The following SYNPR variants were observed in gnomAD, a reference collection of about 807,000 sequenced individuals.
SYNPR encodes synaptoporin.
SYNPR carries 23 observed loss-of-function variants against 32.9 expected under a neutral mutation model. The observed-to-expected ratio is 0.70, with a 90% CI of 0.50 to 0.99. SYNPR has a LOEUF of 0.99. SYNPR is among the 50% of genes least tolerant of loss of function. The pLI, the probability that SYNPR is intolerant of heterozygous loss-of-function variation, is 0.00. For synonymous variants in SYNPR, 146 were observed against 135.9 expected (o/e 1.07, Z -0.52); for missense variants, 318 against 349.3 (o/e 0.91, Z 0.71).
chr3:63,272,608 T>G (rs907440026), intron 3 of SYNPR, among the ~76,000 whole-genome samples: 1 of 151,328 alleles, frequency 6.6e-6, no homozygotes, highest in African/African-American at 2.4e-5. Flanking sequence ...CCTCAGGAAA[T>G]GATCCACAGG....
chr3:63,383,601 A>C (rs1403701), intron 2 of SYNPR, among the ~76,000 whole-genome samples: 106,189 of 151,902 alleles, frequency 0.7, 38,101 homozygotes, highest in East Asian at 0.93. Context: ...GCCGAGATAG[A>C]ACCACTGCCC....
intron 2 of SYNPR, among the ~76,000 whole-genome samples, chr3:63,339,853 C>T (rs1325287941): frequency 6.6e-6 from 1 of 152,164 alleles, no homozygotes; most frequent in Non-Finnish European, 1.5e-5. Context: ...GACAGGGTTT[C>T]ACTATGTTGG....
chr3:63,492,943 G>A (rs147450460), intron 3 of SYNPR, among the ~76,000 whole-genome samples: 104 of 152,202 alleles, frequency 6.8e-4, no homozygotes, highest in African/African-American at 1.9e-3. Flanking sequence ...TGACAGCCTC[G>A]GAATGGCAGA....
At chr3:63,466,369 C>T (rs371538929) in intron 2 of SYNPR, among the ~76,000 whole-genome samples, 5 of 152,040 alleles carry the variant, frequency 3.3e-5, no homozygotes, top group South Asian at 4.2e-4. Context: ...TTCATTCTTG[C>T]GGTGTCATTT....
intron 2 of SYNPR, among the ~76,000 whole-genome samples, chr3:63,441,558 T>C (rs1363887896): frequency 6.6e-6 from 1 of 152,206 alleles, no homozygotes; most frequent in Non-Finnish European, 1.5e-5. Context: ...GAGTGCTCAC[T>C]TAAATGCCGG....
chr3:63,479,399 A>G (rs1700997384), intron 2 of SYNPR, among the ~76,000 whole-genome samples: 1 of 151,994 alleles, frequency 6.6e-6, no homozygotes, highest in Non-Finnish European at 1.5e-5. Context: ...TTTCCATTTT[A>G]AAAATACAGA....
intron 3 of SYNPR, among the ~76,000 whole-genome samples, chr3:63,497,544 G>A (rs1453666702): frequency 6.8e-6 from 1 of 146,856 alleles, no homozygotes; most frequent in Admixed American, 6.7e-5. Flanking sequence ...ATGTTGTGGG[G>A]TGTTGCTGTT....
intron 2 of SYNPR, among the ~76,000 whole-genome samples, chr3:63,457,654 T>C (rs1036609107): frequency 2.0e-5 from 3 of 152,140 alleles, no homozygotes; most frequent in Admixed American, 2.0e-4. Flanking sequence ...TAGTGAAAGA[T>C]CAGAAGTCTC....
chr3:63,279,034 T>C (rs973830835), intron 2 of SYNPR, among the ~76,000 whole-genome samples: 1 of 151,956 alleles, frequency 6.6e-6, no homozygotes, highest in Non-Finnish European at 1.5e-5. Context: ...AACCTCCCCC[T>C]TGGGAGATAG....
chr3:63,445,655 T>A, intron 2 of SYNPR: 2 of 605,204 alleles, frequency 3.3e-6, no homozygotes, highest in Non-Finnish European at 5.9e-6. Context: ...AAGCACTCTA[T>A]GAGGGCCATA....
At chr3:63,498,764 G>T (rs1701420559) in intron 3 of SYNPR, among the ~76,000 whole-genome samples, 1 of 151,856 alleles carries the variant, frequency 6.6e-6, no homozygotes, top group Non-Finnish European at 1.5e-5. Flanking sequence ...TGGCCTCGTG[G>T]GCCCGATAAG....
At chr3:63,447,020 G>T (rs1700290658) in intron 2 of SYNPR, among the ~76,000 whole-genome samples, 1 of 151,780 alleles carries the variant, frequency 6.6e-6, no homozygotes, top group African/African-American at 2.4e-5. Flanking sequence ...TCTTTCTCTT[G>T]TTCTTAAAAA....
At chr3:63,372,402 G>T (rs952598328) in intron 2 of SYNPR, among the ~76,000 whole-genome samples, 4 of 152,130 alleles carry the variant, frequency 2.6e-5, no homozygotes. Flanking sequence ...AAGCCCCTCT[G>T]CCACTGCCAC....
At chr3:63,565,920 C>T (rs975170042) in intron 4 of SYNPR, among the ~76,000 whole-genome samples, 3 of 152,098 alleles carry the variant, frequency 2.0e-5, no homozygotes, top group African/African-American at 4.8e-5. Flanking sequence ...CTTGTGTCCC[C>T]TCTCTTAGCT....
intron 1 of SYNPR, among the ~76,000 whole-genome samples, chr3:63,232,250 G>A (rs1402032255): frequency 7.6e-6 from 1 of 131,882 alleles, no homozygotes; most frequent in Non-Finnish European, 1.6e-5. Context: ...TGTCCAGGCT[G>A]GAGTGCAATG....
chr3:63,399,221 TG>T (rs553969331), intron 2 of SYNPR, among the ~76,000 whole-genome samples: 314 of 152,264 alleles, frequency 2.1e-3, no homozygotes, highest in African/African-American at 7.0e-3. Context: ...TCCCAGTGCC[TG>T]CTGCATTGAG....
chr3:63,292,798 T>C (rs1272910243), intron 2 of SYNPR, among the ~76,000 whole-genome samples: 1 of 152,226 alleles, frequency 6.6e-6, no homozygotes, highest in African/African-American at 2.4e-5. Flanking sequence ...CACACACACA[T>C]GCACATGCAC....
rs1384122993 is a variant in SYNPR, at chr3:63,494,397, ATATATATATATATATATATACG to A, written c.209+13456_209+13477del. ...GTAGGGTGGATATGTTAATTCTTAT[ATATATATATATATATATATACG>A]TATATATATATATACGTATATATAT... On this transcript the variant is annotated intron_variant, in intron 3 of 5. Coordinates refer to ENST00000478300, the MANE Select transcript of SYNPR (RefSeq NM_001130003.2). 2.1e-4 allele frequency among the ~76,000 whole-genome samples: 7 copies of A among 34,108 alleles called. No homozygotes were observed. The East Asian group carries it at 4.5e-3, about 22-fold the overall frequency. The allele number at this position is 34,108 out of a possible 152,430, so 22.4% of individuals were successfully genotyped here. A position where few individuals can be genotyped will look rare whatever the true frequency, so the allele number is the denominator to read the frequency against.
At chr3:63,256,834 G>A (rs1387564497) in intron 2 of SYNPR, among the ~76,000 whole-genome samples, 2 of 152,078 alleles carry the variant, frequency 1.3e-5, no homozygotes, top group African/African-American at 2.4e-5. Context: ...AAAATTAGAC[G>A]AATGGCTAAC....
Sources: gnomAD v4.1 joint callset for allele counts (sites outside exome capture counted in the v4.1 genomes callset) on GRCh38, gnomAD v4.1.1 for gene constraint, MANE v1.5 for transcripts, NCBI Gene and HGNC (gene_info 2026-07-23, HGNC 2026-07-21) for gene names.